Variants in EMC1 observed in about 807,000 individuals in gnomAD.
The protein encoded by EMC1 is KIAA0090.
EMC1 carries 103 observed loss-of-function variants against 128.8 expected under a neutral mutation model. That is an observed-to-expected ratio of 0.80 (90% confidence interval 0.68 to 0.94). The LOEUF is 0.94. Among genes scored for constraint, EMC1 ranks in the 40% least tolerant of loss-of-function variants. The pLI, the probability that EMC1 is intolerant of heterozygous loss-of-function variation, is 0.00. For synonymous variants in EMC1, 442 were observed against 490.4 expected (o/e 0.90, Z 1.30); for missense variants, 1,083 against 1,250.6 (o/e 0.87, Z 2.02).
At chr1:19,220,995 C>G in intron 20 of EMC1, 147 bp from the exon 21 acceptor site, 1 of 547,660 alleles carries the variant, frequency 1.8e-6, no homozygotes, top group Admixed American at 3.3e-5. Flanking sequence ...AAATAATAAT[C>G]CAATGATACG....
intron 17 of EMC1, among the ~76,000 whole-genome samples, chr1:19,228,205 CAAAAA>C (rs35109698): frequency 2.9e-5 from 3 of 101,918 alleles, no homozygotes; most frequent in Non-Finnish European, 2.0e-5. Flanking sequence ...AACTCCGGCT[CAAAAA>C]AAAAAAAAAA....
intron 1 of EMC1, among the ~76,000 whole-genome samples, chr1:19,248,560 C>T (rs1359160152): frequency 2.0e-5 from 3 of 152,190 alleles, no homozygotes; most frequent in African/African-American, 7.2e-5. Context: ...GCTGGGACTA[C>T]AGGCGTGTGC....
chr1:19,233,209 A>C (rs529696243), intron 13 of EMC1, 74 bp from the exon 14 acceptor site: 1 of 1,313,688 alleles, frequency 7.6e-7, no homozygotes, highest in Non-Finnish European at 1.1e-6. Context: ...TTTCCTAATG[A>C]GGGATCTCTG....
At chr1:19,250,340 C>CCATT (rs574838173) in intron 1 of EMC1, among the ~76,000 whole-genome samples, 2,659 of 151,604 alleles carry the variant, frequency 0.018, 38 homozygotes, top group Middle Eastern at 0.056. Context: ...TTAGGAAATG[C>CCATT]CATTCATTCA....
chr1:19,233,363 C>A (rs2093539009), intron 13 of EMC1, among the ~76,000 whole-genome samples: 1 of 152,144 alleles, frequency 6.6e-6, no homozygotes, highest in African/African-American at 2.4e-5. Context: ...ACAACTAAAC[C>A]CAGCTGGAAT....
At chr1:19,242,201 G>T in intron 5 of EMC1, 144 bp downstream of exon 5, 1 of 817,270 alleles carries the variant, frequency 1.2e-6, no homozygotes, top group Non-Finnish European at 1.9e-6. Context: ...CAGCCTTCAA[G>T]ATATTCTGAG....
intron 14 of EMC1, 38 bp from the exon 15 acceptor site, chr1:19,232,811 G>A (rs768672334): frequency 5.6e-6 from 9 of 1,613,322 alleles, no homozygotes; most frequent in Admixed American, 5.0e-5. Context: ...CTACTAGAAA[G>A]AGAAACCAAA....
rs774266430 is a variant in EMC1 at position 19,244,015 on chromosome 1, A to G, written c.221T>C (p.Leu74Ser). The change falls in exon 3 of 23, where the codon TTG becomes TCG. Residue 74 changes from leucine to serine, a missense_variant and splice_region_variant. Around this residue, in one of 3 missense-constraint regions of EMC1, gnomAD observed 544 missense variants for 572.4 expected, o/e 0.95. Transcript: ENST00000477853. ...AALNSRTGEI[L>S]WRHVDKGTAE... ...CGTGCCCTTGTCAACATGGCGCCACACTGAGAGACATGAAAGTTAGACATT... is the reference window on the plus strand; with the variant it reads ...CGTGCCCTTGTCAACATGGCGCCACGCTGAGAGACATGAAAGTTAGACATT... The G allele has an allele frequency of 1.2e-6, 2 of 1,614,114 alleles. No individual in the cohort carries two copies. The highest frequency in any genetic ancestry group is 1.7e-6 in the Non-Finnish European group (2 of 1,179,986).
chr1:19,228,183 C>G (rs1313059213), intron 17 of EMC1, among the ~76,000 whole-genome samples: 2 of 121,114 alleles, frequency 1.7e-5, no homozygotes, highest in Non-Finnish European at 1.6e-5. Context: ...CCAGCCTGGG[C>G]AACAAGAGCG....
intron 18 of EMC1, among the ~76,000 whole-genome samples, chr1:19,225,109 T>A (rs536312856): frequency 4.0e-4 from 61 of 152,332 alleles, no homozygotes; most frequent in Middle Eastern, 3.4e-3. Context: ...TTCTTTATTA[T>A]TAGCCTCACC....
chr1:19,234,272 G>C, intron 13 of EMC1: 5 of 665,942 alleles, frequency 7.5e-6, no homozygotes, highest in Non-Finnish European at 9.3e-6. Flanking sequence ...AGAGTGCCTG[G>C]TCCAGAGCAG....
chr1:19,223,683 T>C lies in EMC1; in HGVS notation c.2203-114A>G, dbSNP rs1323542635. ...AGCCTGGCAGAGGAATCAGGGTTTC[T>C]GGTGAAAAGAGCTTCCTGTTTGGAA... On this transcript the variant is annotated intron_variant, in intron 18 of 22. Transcript: ENST00000477853. 8 of 936,268 alleles carry C rather than the reference T, an allele frequency of 8.5e-6. No homozygotes were observed. In the African/African-American group the frequency reaches 9.9e-5, roughly 12 times the overall value. 58.0% of individuals were successfully genotyped at this position (936,268 alleles called of 1,614,324 possible).
chr1:19,234,493 A>G (rs1160825677), intron 13 of EMC1, among the ~76,000 whole-genome samples: 1 of 152,184 alleles, frequency 6.6e-6, no homozygotes, highest in Non-Finnish European at 1.5e-5. Flanking sequence ...GACAATGAGT[A>G]TAAGGTGCCT....
intron 1 of EMC1, among the ~76,000 whole-genome samples, chr1:19,249,279 CT>C (rs2093646230): frequency 6.6e-6 from 1 of 152,154 alleles, no homozygotes; most frequent in Non-Finnish European, 1.5e-5. Context: ...CACTTACTGA[CT>C]AACCCCAGAA....
intron 18 of EMC1, among the ~76,000 whole-genome samples, chr1:19,223,845 G>A (rs2093450757): frequency 6.6e-6 from 1 of 152,218 alleles, no homozygotes; most frequent in South Asian, 2.1e-4. Context: ...TCCCAAAGTA[G>A]TTAAGCAGCT....
rs2093659079 is a variant in EMC1 at position 19,251,463 on chromosome 1, A to T, written c.47T>A (p.Leu16Gln). 6.2e-7 allele frequency: 1 copy of T among 1,614,184 alleles called. No homozygotes were observed. Among genetic ancestry groups the T allele is most frequent in the South Asian group, 1.1e-5 (1 of 91,090 alleles). Reference sequence around the variant, plus strand: ...TTCGTAGACCGCGGCCGCAGGAATCAGCAGCGTAGCCCAAAGCCAGAAACG... The same window carrying T: ...TTCGTAGACCGCGGCCGCAGGAATCTGCAGCGTAGCCCAAAGCCAGAAACG... ...ASRFWLWATL[L>Q]IPAAAVYEDQ... The change falls in exon 1 of 23, where the codon CTG (leucine) becomes CAG (glutamine). Residue 16 changes from leucine (L) to glutamine (Q), a missense_variant. Leu to Gln is a moderately radical substitution (Grantham distance 113). Coordinates refer to ENST00000477853, the MANE Select transcript of EMC1 (RefSeq NM_015047.3).
chr1:19,239,376 C>A, intron 8 of EMC1, 74 bp from the exon 9 acceptor site: 2 of 1,313,920 alleles, frequency 1.5e-6, no homozygotes, highest in South Asian at 1.2e-5. Flanking sequence ...GGTCACCTCT[C>A]CAGGGAAGGC....
chr1:19,248,156 C>A (rs2093640311), intron 1 of EMC1, among the ~76,000 whole-genome samples: 1 of 152,098 alleles, frequency 6.6e-6, no homozygotes, highest in Non-Finnish European at 1.5e-5. Flanking sequence ...ATGATCCTGA[C>A]CCTATTTAGG....
chr1:19,238,189 A>C, intron 10 of EMC1, 50 bp from the exon 11 acceptor site: 1 of 1,598,652 alleles, frequency 6.3e-7, no homozygotes, highest in South Asian at 1.1e-5. Flanking sequence ...CCGAAAGCAA[A>C]GCCCACCAAA....
Sources: gnomAD v4.1 joint callset for allele counts (sites outside exome capture counted in the v4.1 genomes callset) on GRCh38, gnomAD v4.1.1 for gene constraint, gnomAD v4.1.1 regional missense constraint, MANE v1.5 for transcripts, NCBI Gene and HGNC (gene_info 2026-07-23, HGNC 2026-07-21) for gene names.